Variants in PTPN18 observed in about 807,000 individuals in gnomAD.
The protein encoded by PTPN18 is protein tyrosine phosphatase non-receptor type 18, also known as tyrosine-protein phosphatase non-receptor type 18.
In PTPN18, 65 loss-of-function variants were observed where a neutral mutation model predicts 65.4. That is an observed-to-expected ratio of 0.99 (90% confidence interval 0.81 to 1.22). The LOEUF (loss-of-function observed/expected upper bound fraction) is 1.22. Among genes scored for constraint, PTPN18 ranks in the 50% most tolerant of loss-of-function variants. The pLI is 0.00. For synonymous variants in PTPN18, 255 were observed against 267.8 expected, an observed-to-expected ratio of 0.95 and a Z score of 0.47; for missense variants, 616 against 646.5, an observed-to-expected ratio of 0.95 and a Z score of 0.51.
chr2:130,372,625 G>C, intron 13 of PTPN18, 142 bp downstream of exon 13: 1 of 1,160,606 alleles, frequency 8.6e-7, no homozygotes, highest in Non-Finnish European at 1.2e-6. Flanking sequence ...TGATGTCCAG[G>C]CGTCCCTGGC....
At chr2:130,356,275 G>T (rs917862233) in intron 1 of PTPN18, 75 bp downstream of exon 1, 1 of 1,118,832 alleles carries the variant, frequency 8.9e-7, no homozygotes, top group South Asian at 2.2e-5. Context: ...CGCGCACGGC[G>T]GGCTCTGCCT....
chr2:130,370,277 G>T, intron 8 of PTPN18, 87 bp downstream of exon 8: 1 of 1,559,330 alleles, frequency 6.4e-7, no homozygotes, highest in South Asian at 1.1e-5. Flanking sequence ...TAGTCTTGTA[G>T]TCTGAGTGCC....
intron 5 of PTPN18, among the ~76,000 whole-genome samples, chr2:130,364,669 G>A (rs1467348366): frequency 1.3e-5 from 2 of 152,144 alleles, no homozygotes; most frequent in African/African-American, 2.4e-5. Flanking sequence ...GGTGGCAGCC[G>A]CCTGTAGTCC....
At chr2:130,358,237 G>C (rs1400492700) in intron 1 of PTPN18, among the ~76,000 whole-genome samples, 1 of 152,200 alleles carries the variant, frequency 6.6e-6, no homozygotes, top group African/African-American at 2.4e-5. Context: ...ATAGTGGCTG[G>C]CACACAGTGG....
At chr2:130,370,992 G>A (rs750189683) in intron 11 of PTPN18, 28 bp downstream of exon 11, 2 of 1,603,304 alleles carry the variant, frequency 1.2e-6, no homozygotes, top group South Asian at 1.1e-5. Flanking sequence ...CCACTCTCCT[G>A]TCCACCATCA....
chr2:130,369,961 A>G, intron 7 of PTPN18, 87 bp from the exon 8 acceptor site: 1 of 1,565,850 alleles, frequency 6.4e-7, no homozygotes, highest in Non-Finnish European at 8.8e-7. Context: ...AGATGCCTAG[A>G]AGTGGGCCTG....
chr2:130,369,678 G>C (rs1227500693), intron 6 of PTPN18, 87 bp from the exon 7 acceptor site: 6 of 1,332,250 alleles, frequency 4.5e-6, no homozygotes, highest in Admixed American at 2.3e-5. Flanking sequence ...TTTTAATCAG[G>C]AATGCTTTGC....
chr2:130,364,216 A>G (rs185032309), intron 5 of PTPN18, among the ~76,000 whole-genome samples: 8 of 152,292 alleles, frequency 5.3e-5, no homozygotes, highest in Admixed American at 2.0e-4. Context: ...TCATTAAACA[A>G]TAACTCCCCA....
At chr2:130,372,131 C>A in intron 12 of PTPN18, 126 bp from the exon 13 acceptor site, 2 of 907,860 alleles carry the variant, frequency 2.2e-6, no homozygotes, top group Non-Finnish European at 1.6e-6. Flanking sequence ...CCAAGGAGCC[C>A]TCCCTCCCAT....
chr2:130,358,983 G>C lies in PTPN18; in HGVS notation c.202+8G>C. The C allele has an allele frequency of 1.2e-6, 2 of 1,613,330 alleles. No individual in the cohort carries two copies. The highest frequency in any genetic ancestry group is 1.7e-6 in the Non-Finnish European group (2 of 1,179,394). On this transcript the variant is annotated splice_region_variant and intron_variant, in intron 2 of 14. Transcript: ENST00000175756. ...ACAAAGACGTGCTGCCTTGTAAGTCGGGGCTTCCGTAGGGAGTCGGTGCAG... is the reference window on the plus strand; with the variant it reads ...ACAAAGACGTGCTGCCTTGTAAGTCCGGGCTTCCGTAGGGAGTCGGTGCAG...
Position 130,372,956 on chromosome 2 carries a change from G to T in PTPN18, c.1315+9G>T. The T allele has an allele frequency of 6.2e-7, 1 of 1,614,148 alleles. No individual in the cohort carries two copies. On this transcript the variant is annotated intron_variant, in intron 14 of 14. Transcript: ENST00000175756. ...TCAGACCGGTGGGCTAGGTAAGTCAGGTAGAGCCTGGGTTGCTGGGACTTT... is the reference window on the plus strand; with the variant it reads ...TCAGACCGGTGGGCTAGGTAAGTCATGTAGAGCCTGGGTTGCTGGGACTTT...
chr2:130,357,073 C>T (rs1042353904), intron 1 of PTPN18, among the ~76,000 whole-genome samples: 1 of 152,160 alleles, frequency 6.6e-6, no homozygotes, highest in African/African-American at 2.4e-5. Context: ...CCTGTAATCC[C>T]AGCTACTAGG....
At position 130,359,290 on chromosome 2, in the gene PTPN18, T is replaced by C. The variant is rs763988056; in HGVS notation, c.260T>C (p.Ile87Thr). 5.0e-6 allele frequency: 8 copies of C among 1,614,184 alleles called. No homozygotes were observed. The highest frequency in any genetic ancestry group is 6.8e-6 in the Non-Finnish European group (8 of 1,180,018). Residue 87 changes from isoleucine to threonine, a missense_variant, in exon 3 of 15, where the codon ATT becomes ACT. By Grantham distance (89) the Ile-to-Thr change is moderately conservative. This residue lies in a region of PTPN18 where 223 missense variants were observed against 210.0 expected (regional missense o/e 1.06). Transcript: ENST00000175756. ...LLQEEGHSDY[I>T]NGNFIRGVDG... ...CAGGAAGAGGGACACAGCGACTACATTAATGGCAACTTCATCCGGGTGAGG... is the reference window on the plus strand; with the variant it reads ...CAGGAAGAGGGACACAGCGACTACACTAATGGCAACTTCATCCGGGTGAGG...
At chr2:130,369,037 C>G in intron 5 of PTPN18, 96 bp from the exon 6 acceptor site, 1 of 1,052,782 alleles carries the variant, frequency 9.5e-7, no homozygotes, top group Non-Finnish European at 1.4e-6. Context: ...TGTGCTTCCA[C>G]CACGAGCACC....
Position 130,358,854 on chromosome 2 carries a change from A to C in PTPN18, c.94-13A>C. The C allele has an allele frequency of 6.2e-7, 1 of 1,603,428 alleles. No individual in the cohort carries two copies. The highest frequency in any genetic ancestry group is 1.1e-5 in the South Asian group (1 of 90,684). ...CTTCTCCCCTCCCTGACCCACTCAT[A>C]ATGCTCTACCAGGACATCCAGGCCT... On this transcript the variant is annotated splice_polypyrimidine_tract_variant and intron_variant, in intron 1 of 14. Coordinates refer to ENST00000175756, the MANE Select transcript of PTPN18 (RefSeq NM_014369.4).
At chr2:130,372,569 G>T in intron 13 of PTPN18, 86 bp downstream of exon 13, 1 of 1,377,712 alleles carries the variant, frequency 7.3e-7, no homozygotes, top group East Asian at 2.6e-5. Context: ...GTCAGGCCCT[G>T]GCGGCCGCGG....
chr2:130,357,855 CAAAAAAAA>C (rs549804785), intron 1 of PTPN18, among the ~76,000 whole-genome samples: 43 of 88,726 alleles, frequency 4.8e-4, no homozygotes, highest in Non-Finnish European at 7.2e-4. Context: ...GACTCCATCT[CAAAAAAAA>C]AAAAAAAAAA....
In PTPN18 at chr2:130,371,262, C is replaced by T. The variant is rs761326615; in HGVS notation, c.988C>T (p.Pro330Ser). Reference protein sequence around the residue: ...LRTPQALLAIPRPPGGVLRSI... With the variant: ...LRTPQALLAISRPPGGVLRSI... Reference sequence around the variant, plus strand: ...GACTCCCCAGGCACTTCTCGCCATACCCCGCCCACCAGGAGGGGTCCTCAG... The same window carrying T: ...GACTCCCCAGGCACTTCTCGCCATATCCCGCCCACCAGGAGGGGTCCTCAG... The change falls in exon 12 of 15, where the codon CCC becomes TCC. Residue 330 changes from proline to serine, a missense_variant. Physicochemically the swap from Pro to Ser is moderately conservative, Grantham distance 74 (BLOSUM62 -1). Transcript: ENST00000175756. 2 of 1,607,150 alleles carry T rather than the reference C, an allele frequency of 1.2e-6. No homozygotes were observed. The highest frequency in any genetic ancestry group is 1.7e-6 in the Non-Finnish European group (2 of 1,176,714).
Position 130,358,987 on chromosome 2 carries a change from C to G in PTPN18, c.202+12C>G, listed in dbSNP as rs1403962430. ...AGACGTGCTGCCTTGTAAGTCGGGG[C>G]TTCCGTAGGGAGTCGGTGCAGCCTT... On this transcript the variant is annotated intron_variant, in intron 2 of 14. Transcript: ENST00000175756. 1.2e-6 allele frequency: 2 copies of G among 1,612,980 alleles called. No individual in the cohort carries two copies. The highest frequency in any genetic ancestry group is 1.7e-6 in the Non-Finnish European group (2 of 1,179,210).
Sources: gnomAD v4.1 joint callset for allele counts (sites outside exome capture counted in the v4.1 genomes callset) on GRCh38, gnomAD v4.1.1 for gene constraint, gnomAD v4.1.1 regional missense constraint, MANE v1.5 for transcripts, NCBI Gene and HGNC (gene_info 2026-07-23, HGNC 2026-07-21) for gene names.